The following DAB1 variants were observed in gnomAD, a reference collection of about 807,000 sequenced individuals.
DAB1 encodes DAB adaptor protein 1.
A neutral mutation model predicts 64.6 loss-of-function variants in DAB1; 15 were observed. The ratio of observed to expected loss-of-function variants is 0.23; its 90% CI spans 0.16 to 0.36. The LOEUF (loss-of-function observed/expected upper bound fraction) is 0.36, where lower values mean the gene tolerates loss of function less well. Ranked by LOEUF, DAB1 falls within the 10% of genes least tolerant of loss-of-function variation. The probability of loss-of-function intolerance (pLI) is 1.00; values close to 1 mark genes in which losing one functional copy is unlikely to be tolerated. For synonymous variants in DAB1, 235 were observed against 251.9 expected (o/e 0.93, Z 0.64); for missense variants, 596 against 706.7 (o/e 0.84, Z 1.78).
intron 1 of DAB1, among the ~76,000 whole-genome samples, chr1:57,291,470 G>A (rs1672768587): frequency 1.3e-5 from 2 of 152,110 alleles, no homozygotes; most frequent in African/African-American, 4.8e-5. Context: ...ATCCCAACCA[G>A]AATATATAGC....
chr1:57,376,125 C>T (rs967959216), intron 1 of DAB1, among the ~76,000 whole-genome samples: 1 of 152,198 alleles, frequency 6.6e-6, no homozygotes, highest in Non-Finnish European at 1.5e-5. Context: ...GTCTTCCACA[C>T]ACCCAAGCAA....
chr1:58,100,460 TCTC>T (rs1651247740), intron 5 of DAB1, among the ~76,000 whole-genome samples: 2 of 152,242 alleles, frequency 1.3e-5, no homozygotes, highest in Non-Finnish European at 2.9e-5. Flanking sequence ...TATTCATTCA[TCTC>T]ATTGATGGCT....
chr1:58,529,195 T>C (rs889650010), intron 1 of DAB1, among the ~76,000 whole-genome samples: 2 of 152,170 alleles, frequency 1.3e-5, no homozygotes, highest in Non-Finnish European at 2.9e-5. Flanking sequence ...AATAATAGAC[T>C]TAGTTATCCA....
At chr1:57,500,730 T>TTTA (rs1644280992) in intron 7 of DAB1, among the ~76,000 whole-genome samples, 2 of 152,196 alleles carry the variant, frequency 1.3e-5, no homozygotes, top group African/African-American at 4.8e-5. Flanking sequence ...ACTGAGCTGC[T>TTTA]TTATTCCTTT....
At chr1:58,507,035 C>G (rs1347780219) in intron 2 of DAB1, among the ~76,000 whole-genome samples, 1 of 151,764 alleles carries the variant, frequency 6.6e-6, no homozygotes, top group Non-Finnish European at 1.5e-5. Context: ...TGTTAACTAC[C>G]CTAAGAATGT....
At chr1:58,307,021 A>T (rs1042897173) in intron 4 of DAB1, among the ~76,000 whole-genome samples, 1 of 152,196 alleles carries the variant, frequency 6.6e-6, no homozygotes, top group African/African-American at 2.4e-5. Context: ...TCCCAAGGTA[A>T]TTGGGTTGTC....
chr1:58,169,461 G>GGGAA (rs1656043432), intron 4 of DAB1, among the ~76,000 whole-genome samples: 1 of 152,112 alleles, frequency 6.6e-6, no homozygotes, highest in Non-Finnish European at 1.5e-5. Context: ...CTAAGCCATT[G>GGGAA]GGAACAATTT....
intron 6 of DAB1, among the ~76,000 whole-genome samples, chr1:57,738,056 A>T (rs1647781272): frequency 6.6e-6 from 1 of 152,194 alleles, no homozygotes; most frequent in Non-Finnish European, 1.5e-5. Flanking sequence ...CCTTGGGAAG[A>T]GACACATCAA....
At chr1:57,177,096 T>C (rs77675247) in intron 2 of DAB1, among the ~76,000 whole-genome samples, 4,340 of 151,836 alleles carry the variant, frequency 0.029, 286 homozygotes, top group Admixed American at 0.17. Flanking sequence ...CAAGACAACT[T>C]AGCCCTAAGA....
intron 1 of DAB1, among the ~76,000 whole-genome samples, chr1:57,870,617 T>C (rs1197861199): frequency 1.3e-5 from 2 of 152,244 alleles, no homozygotes; most frequent in South Asian, 4.1e-4. Flanking sequence ...CATATAAGAA[T>C]GCACAGTATA....
intron 7 of DAB1, among the ~76,000 whole-genome samples, chr1:57,528,586 C>T (rs919185480): frequency 6.6e-6 from 1 of 151,404 alleles, no homozygotes; most frequent in African/African-American, 2.4e-5. Flanking sequence ...CTAGGCACAT[C>T]ATAGCTAAAT....
At chr1:57,739,404 A>C (rs1472830450) in intron 6 of DAB1, among the ~76,000 whole-genome samples, 1 of 86,786 alleles carries the variant, frequency 1.2e-5, no homozygotes, top group Non-Finnish European at 2.2e-5. Flanking sequence ...TCTATGCACC[A>C]ACTTCTCATA....
intron 3 of DAB1, among the ~76,000 whole-genome samples, chr1:58,500,326 G>GT (rs1389794448): frequency 6.6e-6 from 1 of 152,104 alleles, no homozygotes; most frequent in African/African-American, 2.4e-5. Flanking sequence ...ATGAAATTCT[G>GT]TAAGGTGAAC....
chr1:57,252,556 GT>G (rs1273889532), intron 2 of DAB1, among the ~76,000 whole-genome samples: 1 of 152,222 alleles, frequency 6.6e-6, no homozygotes, highest in Non-Finnish European at 1.5e-5. Flanking sequence ...CCAACAAACA[GT>G]TAATTTGTAC....
At chr1:57,107,138 G>A (rs1163503190) in intron 4 of DAB1, among the ~76,000 whole-genome samples, 2 of 152,094 alleles carry the variant, frequency 1.3e-5, no homozygotes, top group Non-Finnish European at 2.9e-5. Flanking sequence ...ACTTTGGGGG[G>A]CTGAGGCAGG....
chr1:57,990,841 C>T (rs1480730214), intron 5 of DAB1, among the ~76,000 whole-genome samples: 1 of 152,142 alleles, frequency 6.6e-6, no homozygotes, highest in Admixed American at 6.6e-5. Context: ...ATGAGAAGGC[C>T]AGTCATTTAC....
chr1:57,429,125 C>T (rs899733876), intron 7 of DAB1, among the ~76,000 whole-genome samples: 3 of 152,008 alleles, frequency 2.0e-5, no homozygotes, highest in Non-Finnish European at 2.9e-5. Context: ...ATGTTTTTCA[C>T]GCTGATTTTC....
At chr1:57,684,866 T>C (rs1180001147) in intron 6 of DAB1, among the ~76,000 whole-genome samples, 1 of 152,132 alleles carries the variant, frequency 6.6e-6, no homozygotes, top group East Asian at 1.9e-4. Context: ...TCCCATGTAA[T>C]TATACCCACA....
At chr1:57,093,842 G>A (rs980621536) in intron 4 of DAB1, among the ~76,000 whole-genome samples, 4 of 152,086 alleles carry the variant, frequency 2.6e-5, no homozygotes, top group South Asian at 2.1e-4. Flanking sequence ...GGTTGGGTGC[G>A]GTGGCTCACA....
Sources: allele counts gnomAD v4.1 joint callset (sites outside exome capture counted in the v4.1 genomes callset), GRCh38; gene constraint gnomAD v4.1.1; transcripts MANE v1.5; gene names NCBI Gene and HGNC (gene_info 2026-07-23, HGNC 2026-07-21).